The following ZNF248 variants were observed in gnomAD, a reference collection of about 807,000 sequenced individuals.
ZNF248 encodes the protein zinc finger protein 248, also known as KRAB protein domain.
Under a neutral mutation model 44.3 loss-of-function variants are expected in ZNF248, and 20 were observed. The ratio of observed to expected loss-of-function variants is 0.45; its 90% CI spans 0.32 to 0.66. The LOEUF is 0.66. Ranked by LOEUF, ZNF248 falls within the 30% of genes least tolerant of loss-of-function variation. ZNF248 has a pLI of 0.04. For missense variants in ZNF248, 654 were observed against 677.0 expected, an observed-to-expected ratio of 0.97 and a Z score of 0.38; for synonymous variants, 224 against 229.0, an observed-to-expected ratio of 0.98 and a Z score of 0.20.
the ZNF248 span, among the ~76,000 whole-genome samples, chr10:37,768,582 A>T: frequency 6.6e-6 from 1 of 152,232 alleles, no homozygotes; most frequent in African/African-American, 2.4e-5. Flanking sequence ...ACAAGAACAA[A>T]GACACAACAT....
chr10:37,822,244 C>T (rs1266683868), intron 6 of ZNF248, among the ~76,000 whole-genome samples: 1 of 152,146 alleles, frequency 6.6e-6, no homozygotes, highest in Non-Finnish European at 1.5e-5. Context: ...ACAGCCTTGT[C>T]TACATAGAAA....
At chr10:37,763,720 A>C in the ZNF248 span, among the ~76,000 whole-genome samples, 2 of 152,092 alleles carry the variant, frequency 1.3e-5, no homozygotes, top group African/African-American at 2.4e-5. Flanking sequence ...GACCCTGAAC[A>C]GAGGGACCGG....
downstream of ZNF248, among the ~76,000 whole-genome samples, chr10:37,772,450 C>G (rs1023343517): frequency 6.6e-6 from 1 of 152,002 alleles, no homozygotes; most frequent in East Asian, 1.9e-4. Context: ...ATGGACTAGC[C>G]GAGGAAACAC....
intron 6 of ZNF248, chr10:37,791,850 C>G (rs2048586632): frequency 6.6e-6 from 1 of 152,170 alleles, no homozygotes; most frequent in African/African-American, 2.4e-5. Flanking sequence ...ACAAAGCAAG[C>G]ACAAATGGAC....
At chr10:37,786,214 A>G (rs919361774) in intron 6 of ZNF248, among the ~76,000 whole-genome samples, 1 of 152,242 alleles carries the variant, frequency 6.6e-6, no homozygotes, top group Non-Finnish European at 1.5e-5. Flanking sequence ...GCAGAGATCA[A>G]TCAGATTCTT....
intron 3 of ZNF248, among the ~76,000 whole-genome samples, chr10:37,850,010 G>A (rs2059966467): frequency 6.6e-6 from 1 of 152,030 alleles, no homozygotes; most frequent in Non-Finnish European, 1.5e-5. Flanking sequence ...GGCAGAGGTT[G>A]CAATGAGCTG....
At chr10:37,812,786 G>GA (rs148276641) in intron 6 of ZNF248, among the ~76,000 whole-genome samples, 9,060 of 152,072 alleles carry the variant, frequency 0.06, 351 homozygotes, top group Middle Eastern at 0.095. Flanking sequence ...GTACTCCATG[G>GA]AAGGATGGTT....
chr10:37,817,289 A>G (rs1022591952), intron 6 of ZNF248, among the ~76,000 whole-genome samples: 2 of 152,138 alleles, frequency 1.3e-5, no homozygotes, highest in African/African-American at 2.4e-5. Flanking sequence ...TTTTTCTTGA[A>G]TAAGTAGTGG....
chr10:37,830,856 T>G lies in ZNF248; in HGVS notation c.*759A>C. ...ATGTAGCAAAATAATTAGGAAGTGA[T>G]GAGTGCTGAGTATTTATTACCTTTG... On this transcript the variant is annotated 3_prime_UTR_variant, in exon 6 of 6. Coordinates refer to ENST00000395867, the MANE Select transcript of ZNF248 (RefSeq NM_021045.3). The G allele has an allele frequency of 5.4e-6, 1 of 183,796 alleles. No homozygotes were observed. Among genetic ancestry groups the G allele is most frequent in the Admixed American group, 6.0e-5 (1 of 16,562 alleles). 11.4% of individuals were successfully genotyped at this position (183,796 alleles called of 1,614,324 possible).
chr10:37,827,481 C>T (rs2054562191), downstream of ZNF248, among the ~76,000 whole-genome samples: 1 of 152,174 alleles, frequency 6.6e-6, no homozygotes, highest in Admixed American at 6.5e-5. Flanking sequence ...AGACCTTTCT[C>T]TTCATAAGTG....
intron 3 of ZNF248, among the ~76,000 whole-genome samples, chr10:37,843,167 G>A (rs968974867): frequency 6.6e-6 from 1 of 152,180 alleles, no homozygotes; most frequent in Non-Finnish European, 1.5e-5. Flanking sequence ...ATATGGCCGA[G>A]CATGGTGGCT....
chr10:37,791,604 T>C (rs548127628), intron 6 of ZNF248: 23 of 152,166 alleles, frequency 1.5e-4, no homozygotes, highest in Non-Finnish European at 2.9e-4. Flanking sequence ...TGGATTTCAG[T>C]GGGATGTCAT....
chr10:37,852,489 A>T (rs1040150457), intron 3 of ZNF248, among the ~76,000 whole-genome samples: 2 of 151,924 alleles, frequency 1.3e-5, no homozygotes, highest in East Asian at 3.9e-4. Flanking sequence ...GGGTTGGGGA[A>T]TGACAGGGCC....
chr10:37,767,070 G>GA, the ZNF248 span, among the ~76,000 whole-genome samples: 18 of 151,796 alleles, frequency 1.2e-4, no homozygotes, highest in East Asian at 3.9e-4. Context: ...GGGAAGTTTA[G>GA]AAAAAAAAGA....
the ZNF248 span, among the ~76,000 whole-genome samples, chr10:37,767,197 T>G: frequency 6.6e-6 from 1 of 152,154 alleles, no homozygotes; most frequent in Non-Finnish European, 1.5e-5. Context: ...TGGAACACAC[T>G]CTGCAGGATA....
At chr10:37,765,371 C>T in the ZNF248 span, among the ~76,000 whole-genome samples, 2 of 152,212 alleles carry the variant, frequency 1.3e-5, no homozygotes, top group African/African-American at 4.8e-5. Context: ...ATGACTCACC[C>T]TACAAGGAAA....
At chr10:37,785,821 T>C (rs2047818229) in intron 6 of ZNF248, among the ~76,000 whole-genome samples, 1 of 152,190 alleles carries the variant, frequency 6.6e-6, no homozygotes, top group African/African-American at 2.4e-5. Flanking sequence ...CCCAGATTCT[T>C]GAAGATTGGT....
intron 6 of ZNF248, among the ~76,000 whole-genome samples, chr10:37,807,303 A>G (rs2050725188): frequency 6.6e-6 from 1 of 152,118 alleles, no homozygotes; most frequent in East Asian, 1.9e-4. Context: ...TTACACTATT[A>G]TGATTTATAG....
In ZNF248 at chr10:37,838,028, G is replaced by T; in HGVS notation, c.99C>A (p.Tyr33Ter). The T allele has an allele frequency of 6.2e-7, 1 of 1,613,858 alleles. No homozygotes were observed. The highest frequency in any genetic ancestry group is 8.5e-7 in the Non-Finnish European group (1 of 1,179,860). The change falls in exon 4 of 6, where the codon TAC becomes TAA. Residue 33 changes from tyrosine (Y) to a stop codon, truncating the protein, a stop_gained. Transcript: ENST00000395867. LOFTEE classifies it high-confidence loss of function. ...YLLDPAQKILYRDVILENYSN... is the reference protein window; with the variant it reads ...YLLDPAQKIL ...TATAATTTTCCAGGATCACATCTCT[G>T]TATAGAATCTTCTGAGCAGGGTCCA...
Sources: allele counts gnomAD v4.1 joint callset (sites outside exome capture counted in the v4.1 genomes callset), GRCh38; gene constraint gnomAD v4.1.1; transcripts MANE v1.5; gene names NCBI Gene and HGNC (gene_info 2026-07-23, HGNC 2026-07-21).